The following RASEF variants were observed in gnomAD, a reference collection of about 807,000 sequenced individuals.
RASEF encodes RAS and EF-hand domain containing.
RASEF carries 68 observed loss-of-function variants against 90.1 expected under a neutral mutation model. The ratio of observed to expected loss-of-function variants is 0.75; its 90% CI spans 0.62 to 0.92. The LOEUF (loss-of-function observed/expected upper bound fraction) is 0.92. Among genes scored for constraint, RASEF ranks in the 40% least tolerant of loss-of-function variants. The pLI, the probability that RASEF is intolerant of heterozygous loss-of-function variation, is 0.00. For synonymous variants in RASEF, 331 were observed against 345.2 expected (o/e 0.96, Z 0.46); for missense variants, 949 against 937.2 (o/e 1.01, Z -0.16).
the RASEF span, among the ~76,000 whole-genome samples, chr9:83,137,750 G>A: frequency 6.6e-6 from 1 of 150,908 alleles, no homozygotes; most frequent in African/African-American, 2.4e-5. Context: ...CATGCAGTAG[G>A]TAGTGGTAGA....
chr9:83,136,326 G>A, the RASEF span, among the ~76,000 whole-genome samples: 1 of 152,042 alleles, frequency 6.6e-6, no homozygotes, highest in South Asian at 2.1e-4. Flanking sequence ...AAGTGAAAAT[G>A]CATATAACCA....
At chr9:82,987,869 A>G (rs1045665647) in intron 16 of RASEF, among the ~76,000 whole-genome samples, 4 of 152,212 alleles carry the variant, frequency 2.6e-5, no homozygotes, top group Non-Finnish European at 5.9e-5. Context: ...ATTTAGAAAC[A>G]GATTTAAGAA....
chr9:82,985,374 T>C (rs1472536357), intron 16 of RASEF, among the ~76,000 whole-genome samples: 1 of 152,128 alleles, frequency 6.6e-6, no homozygotes, highest in South Asian at 2.1e-4. Flanking sequence ...ATCACGAGAA[T>C]AGCAGAGGAA....
the RASEF span, among the ~76,000 whole-genome samples, chr9:83,086,143 G>A: frequency 3.9e-3 from 592 of 152,206 alleles, 2 homozygotes; most frequent in African/African-American, 0.014. Context: ...TGTACAAAAT[G>A]TGCTAGGTGT....
intron 1 of RASEF, among the ~76,000 whole-genome samples, chr9:83,044,248 A>G (rs1181355958): frequency 6.6e-6 from 1 of 152,218 alleles, no homozygotes; most frequent in Non-Finnish European, 1.5e-5. Context: ...GGAGAAGAAG[A>G]AGGGAAGCCA....
chr9:83,165,592 CCAGA>C, the RASEF span, among the ~76,000 whole-genome samples: 114 of 152,000 alleles, frequency 7.5e-4, no homozygotes, highest in African/African-American at 2.7e-3. Flanking sequence ...TCTTAGGAAA[CCAGA>C]CAAAGAGGAG....
intron 1 of RASEF, 33 bp from the exon 2 acceptor site, chr9:83,025,954 T>C (rs1464847533): frequency 1.3e-6 from 2 of 1,509,378 alleles, no homozygotes; most frequent in Middle Eastern, 3.7e-4. Context: ...TTAAACCAAT[T>C]ATAAAATTTT....
At chr9:83,202,997 G>A in the RASEF span, among the ~76,000 whole-genome samples, 3 of 152,054 alleles carry the variant, frequency 2.0e-5, no homozygotes, top group Admixed American at 1.3e-4. Flanking sequence ...TACATATTTA[G>A]ATTATTCTCT....
chr9:83,045,903 CT>C (rs1160504551), intron 1 of RASEF, among the ~76,000 whole-genome samples: 3 of 152,134 alleles, frequency 2.0e-5, no homozygotes, highest in African/African-American at 7.2e-5. Context: ...TGTGGTTGTA[CT>C]GTTAGCACAG....
intron 6 of RASEF, among the ~76,000 whole-genome samples, chr9:83,008,673 C>T (rs542622549): frequency 6.6e-6 from 1 of 152,080 alleles, no homozygotes; most frequent in East Asian, 1.9e-4. Context: ...TTTCCCAGCA[C>T]AGAGCTATCT....
chr9:83,043,337 G>GT (rs1211504325), intron 1 of RASEF, among the ~76,000 whole-genome samples: 1 of 151,570 alleles, frequency 6.6e-6, no homozygotes, highest in Non-Finnish European at 1.5e-5. Context: ...ACCTATGTAT[G>GT]TAACATCAAA....
chr9:83,191,351 C>A, the RASEF span, among the ~76,000 whole-genome samples: 1 of 152,174 alleles, frequency 6.6e-6, no homozygotes, highest in African/African-American at 2.4e-5. Flanking sequence ...TTTCCTATTA[C>A]AGAGTGATGA....
the RASEF span, among the ~76,000 whole-genome samples, chr9:83,092,308 A>G: frequency 6.6e-6 from 1 of 152,024 alleles, no homozygotes. Context: ...GGTCTCACTG[A>G]CTTCAAGAAT....
chr9:83,006,816 G>A (rs1312301392), intron 7 of RASEF, among the ~76,000 whole-genome samples: 7 of 152,106 alleles, frequency 4.6e-5, no homozygotes, highest in South Asian at 2.1e-4. Context: ...GGTACGGGCC[G>A]GGCGTGGTGG....
the RASEF span, among the ~76,000 whole-genome samples, chr9:83,176,054 T>C: frequency 6.6e-6 from 1 of 152,240 alleles, no homozygotes; most frequent in African/African-American, 2.4e-5. Flanking sequence ...TTATTCCATT[T>C]CCTTGTTGAT....
At chr9:83,184,439 C>T in the RASEF span, among the ~76,000 whole-genome samples, 9 of 152,172 alleles carry the variant, frequency 5.9e-5, no homozygotes, top group Admixed American at 1.3e-4. Flanking sequence ...CTGTGGAGGG[C>T]GTGCTGCTCT....
intron 12 of RASEF, 40 bp downstream of exon 12, chr9:83,000,129 A>G (rs749689537): frequency 6.3e-7 from 1 of 1,588,870 alleles, no homozygotes; most frequent in Non-Finnish European, 8.6e-7. Flanking sequence ...CAAGCTAAGG[A>G]AGGTCATTTT....
chr9:83,077,719 A>G, the RASEF span, among the ~76,000 whole-genome samples: 2 of 152,334 alleles, frequency 1.3e-5, no homozygotes, highest in African/African-American at 4.8e-5. Context: ...AGGTGAAAAT[A>G]ATCATTATCT....
intron 2 of RASEF, among the ~76,000 whole-genome samples, chr9:83,025,293 A>T (rs1230576719): frequency 6.6e-6 from 1 of 152,304 alleles, no homozygotes; most frequent in East Asian, 1.9e-4. Context: ...TGTGGTGGGC[A>T]GTGTGCAGGG....
Sources: gnomAD v4.1 joint callset for allele counts (sites outside exome capture counted in the v4.1 genomes callset) on GRCh38, gnomAD v4.1.1 for gene constraint, MANE v1.5 for transcripts, NCBI Gene and HGNC (gene_info 2026-07-23, HGNC 2026-07-21) for gene names.